Variants in ERC1 observed in about 807,000 individuals in gnomAD.
ERC1 encodes RAB6 interacting protein 2.
In ERC1, 56 loss-of-function variants were observed where a neutral mutation model predicts 132.0. The ratio of observed to expected loss-of-function variants is 0.42; its 90% confidence interval spans 0.34 to 0.53. ERC1 has a LOEUF of 0.53. ERC1 is among the 20% of genes least tolerant of loss of function. The probability of loss-of-function intolerance (pLI) is 0.03; values close to 1 mark genes in which losing one functional copy is unlikely to be tolerated. For missense variants in ERC1, 1,202 were observed against 1,349.9 expected, an observed-to-expected ratio of 0.89 and a Z score of 1.72; for synonymous variants, 478 against 476.1, an observed-to-expected ratio of 1.00 and a Z score of -0.05.
chr12:1,194,858 T>C (rs1271307336), intron 12 of ERC1, among the ~76,000 whole-genome samples: 1 of 151,840 alleles, frequency 6.6e-6, no homozygotes, highest in Admixed American at 6.6e-5. Flanking sequence ...AGTCTATTAT[T>C]GTGTGATCTA....
chr12:1,181,354 C>A (rs891491521), intron 9 of ERC1, among the ~76,000 whole-genome samples: 5 of 151,874 alleles, frequency 3.3e-5, no homozygotes, highest in Non-Finnish European at 7.4e-5. Context: ...CTTTTAGTTA[C>A]CTGGAAATTG....
At chr12:1,121,841 ATCTCT>A (rs1947285293) in intron 7 of ERC1, among the ~76,000 whole-genome samples, 3 of 10,942 alleles carry the variant, frequency 2.7e-4, no homozygotes, top group African/African-American at 8.1e-4. Context: ...ATCTCTATCT[ATCTCT>A]ATCTCTATCT....
intron 18 of ERC1, among the ~76,000 whole-genome samples, chr12:1,448,932 C>G (rs2093365841): frequency 1.3e-5 from 2 of 152,254 alleles, no homozygotes; most frequent in Non-Finnish European, 2.9e-5. Context: ...TGGAAGGGGC[C>G]TGTGCCCTGC....
intron 2 of ERC1, among the ~76,000 whole-genome samples, chr12:1,035,452 C>T (rs1968877652): frequency 6.6e-6 from 1 of 152,180 alleles, no homozygotes; most frequent in African/African-American, 2.4e-5. Flanking sequence ...ATTTTTATGT[C>T]TCATCCTTTT....
chr12:1,222,552 A>G (rs1293976316), intron 12 of ERC1, among the ~76,000 whole-genome samples: 1 of 152,188 alleles, frequency 6.6e-6, no homozygotes, highest in African/African-American at 2.4e-5. Context: ...AATATTATAG[A>G]TGTTTATATG....
intron 18 of ERC1, among the ~76,000 whole-genome samples, chr12:1,447,680 C>T (rs986967755): frequency 6.6e-6 from 1 of 151,556 alleles, no homozygotes; most frequent in Non-Finnish European, 1.5e-5. Context: ...GACAGAGTCT[C>T]GCTCTGTCAC....
intron 8 of ERC1, among the ~76,000 whole-genome samples, chr12:1,177,013 A>G (rs1009530967): frequency 2.6e-5 from 4 of 152,152 alleles, no homozygotes; most frequent in Non-Finnish European, 4.4e-5. Context: ...TTACACTTTT[A>G]TATTATGGAG....
At chr12:1,378,455 G>GA (rs1473243288) in intron 16 of ERC1, among the ~76,000 whole-genome samples, 38 of 152,074 alleles carry the variant, frequency 2.5e-4, no homozygotes, top group African/African-American at 8.2e-4. Flanking sequence ...TGTTCTATGA[G>GA]AAAAAAATTA....
chr12:1,128,456 A>G (rs1948426444), intron 7 of ERC1, among the ~76,000 whole-genome samples: 1 of 152,086 alleles, frequency 6.6e-6, no homozygotes, highest in African/African-American at 2.4e-5. Flanking sequence ...GCTGGTCTTC[A>G]GCTCCTGGAC....
intron 15 of ERC1, among the ~76,000 whole-genome samples, chr12:1,305,315 G>A (rs2080796777): frequency 6.6e-6 from 1 of 152,146 alleles, no homozygotes; most frequent in Admixed American, 6.5e-5. Context: ...CCTACCCATA[G>A]CCTAAGAGTC....
In ERC1 at chr12:1,394,041, AAAACC is replaced by A. The variant is rs1440366166; in HGVS notation, c.2926-14106_2926-14102del. 4.4e-4 allele frequency among the ~76,000 whole-genome samples: 35 copies of A among 78,944 alleles called. 1 individual carries two copies. The highest frequency in any genetic ancestry group is 1.8e-3 in the African/African-American group (34 of 19,360). 51.8% of individuals were successfully genotyped at this position (78,944 alleles called of 152,430 possible). On this transcript the variant is annotated intron_variant, in intron 16 of 18. Coordinates refer to ENST00000360905, the MANE Select transcript of ERC1 (RefSeq NM_178040.4). ...AAAAAAAAAAAAAAAAAACAAAAAA[AAAACC>A]ACAAAGCATTAAGCAATTTAATTTC...
Position 1,371,867 on chromosome 12 carries a change from G to A in ERC1, c.2815G>A (p.Asp939Asn). Reference sequence around the variant, plus strand: ...TCTTCTGGCTGCCATTAGTGAAAAAGACGCCAATATAGCTCTCTTGGAGCT... The same window carrying A: ...TCTTCTGGCTGCCATTAGTGAAAAAAACGCCAATATAGCTCTCTTGGAGCT... ...EALLAAISEKDANIALLELSS... is the reference protein window; with the variant it reads ...EALLAAISEKNANIALLELSS... Residue 939 changes from aspartate (D) to asparagine (N), a missense_variant, in exon 16 of 19, where the codon GAC (aspartate) becomes AAC (asparagine). Transcript: ENST00000360905. 6.2e-7 allele frequency: 1 copy of A among 1,613,944 alleles called. No homozygotes were observed. The highest frequency in any genetic ancestry group is 8.5e-7 in the Non-Finnish European group (1 of 1,180,000).
At chr12:1,389,831 A>G (rs2089787540) in intron 16 of ERC1, among the ~76,000 whole-genome samples, 1 of 152,176 alleles carries the variant, frequency 6.6e-6, no homozygotes, top group Non-Finnish European at 1.5e-5. Context: ...TATTTTGCCT[A>G]TTTTCCTTAA....
Position 1,028,211 on chromosome 12 carries a change from G to C in ERC1, c.308G>C (p.Arg103Pro), listed in dbSNP as rs535851221. 1.1e-4 allele frequency: 173 copies of C among 1,614,130 alleles called. 1 individual carries two copies. In the South Asian group the frequency reaches 1.8e-3, roughly 16 times the overall value. ...GGGGGACGTCTGCCTTACGGTGTTC[G>C]GATGACTGCTATGGGTAGTAGCCCC... ...RSGGRLPYGVRMTAMGSSPNI... is the reference protein window; with the variant it reads ...RSGGRLPYGVPMTAMGSSPNI... The change falls in exon 2 of 19, where the codon CGG (arginine) becomes CCG (proline). Residue 103 changes from arginine to proline, a missense_variant. Physicochemically the swap from Arg to Pro is moderately radical, Grantham distance 103. Transcript: ENST00000360905.
intron 14 of ERC1, among the ~76,000 whole-genome samples, chr12:1,268,717 G>T (rs2077627631): frequency 6.6e-6 from 1 of 152,204 alleles, no homozygotes; most frequent in Non-Finnish European, 1.5e-5. Flanking sequence ...AGTGAGCTGA[G>T]ATCGTGCCAC....
chr12:1,049,332 A>G (rs919684864), intron 2 of ERC1, among the ~76,000 whole-genome samples: 7 of 152,228 alleles, frequency 4.6e-5, no homozygotes, highest in African/African-American at 1.7e-4. Flanking sequence ...CTCTCTTGAC[A>G]ACATCTCTAG....
rs143564198 is a variant in ERC1 at position 1,398,823 on chromosome 12, G to A, written c.2926-9326G>A. ...TTGTTGCTGTATCCTCCAGAGGGCA[G>A]GGACGCTTTGTCCTTGCACACATCT... On this transcript the variant is annotated intron_variant, in intron 16 of 18. Transcript: ENST00000360905. Among the ~76,000 whole-genome samples, 657 of 152,070 alleles carry A rather than the reference G, an allele frequency of 4.3e-3. 10 individuals carry two copies. Among genetic ancestry groups the A allele is most frequent in the African/African-American group, 0.015 (627 of 41,482 alleles).
At chr12:1,412,253 A>AT (rs2091892622) in intron 17 of ERC1, among the ~76,000 whole-genome samples, 1 of 152,236 alleles carries the variant, frequency 6.6e-6, no homozygotes, top group Non-Finnish European at 1.5e-5. Context: ...TTCTTTAGAA[A>AT]TTCAAACTTT....
chr12:993,853 G>T (rs1960190504), intron 1 of ERC1, among the ~76,000 whole-genome samples: 2 of 152,138 alleles, frequency 1.3e-5, no homozygotes, highest in East Asian at 3.8e-4. Context: ...AGTGAGCCGA[G>T]ATCATGCCAC....
Sources: gnomAD v4.1 joint callset for allele counts (sites outside exome capture counted in the v4.1 genomes callset) on GRCh38, gnomAD v4.1.1 for gene constraint, MANE v1.5 for transcripts, NCBI Gene and HGNC (gene_info 2026-07-23, HGNC 2026-07-21) for gene names.